The following KIF1B variants were observed in gnomAD, a reference collection of about 807,000 sequenced individuals.
KIF1B encodes kinesin-like protein KIF1B.
A neutral mutation model predicts 241.9 loss-of-function variants in KIF1B; 76 were observed. The ratio of observed to expected loss-of-function variants is 0.31; its 90% CI spans 0.26 to 0.38. The LOEUF (loss-of-function observed/expected upper bound fraction) is 0.38. KIF1B is among the 10% of genes least tolerant of loss of function. The pLI is 1.00. For synonymous variants in KIF1B, 750 were observed against 796.7 expected (o/e 0.94, Z 0.99); for missense variants, 1,622 against 2,271.4 (o/e 0.71, Z 5.81).
chr1:10,283,233 A>T (rs1250394491), intron 15 of KIF1B, among the ~76,000 whole-genome samples: 2 of 136,882 alleles, frequency 1.5e-5, no homozygotes, highest in Non-Finnish European at 3.1e-5. Context: ...AAAAAAAAAG[A>T]TAAAGTTAGA....
chr1:10,276,256 A>G (rs1649101148), intron 11 of KIF1B, 65 bp from the exon 12 acceptor site: 1 of 1,005,804 alleles, frequency 9.9e-7, no homozygotes, highest in Non-Finnish European at 1.6e-6. Flanking sequence ...ATCAGATTTG[A>G]CACATTCCAT....
At chr1:10,313,051 T>C (rs1651135425) in intron 22 of KIF1B, among the ~76,000 whole-genome samples, 1 of 151,394 alleles carries the variant, frequency 6.6e-6, no homozygotes, top group South Asian at 2.1e-4. Context: ...CCATCTTTAT[T>C]TTTTTGTTTT....
At chr1:10,256,720 T>G (rs1198071496) in intron 3 of KIF1B, among the ~76,000 whole-genome samples, 1 of 150,446 alleles carries the variant, frequency 6.6e-6, no homozygotes, top group African/African-American at 2.4e-5. Flanking sequence ...ATTATTATTA[T>G]TTTTCTTCTG....
At position 10,303,982 on chromosome 1, in the gene KIF1B, C is replaced by G. The variant is rs1650681477; in HGVS notation, c.2115+6736C>G. On this transcript the variant is annotated intron_variant, in intron 22 of 48. Coordinates refer to ENST00000676179, the MANE Select transcript of KIF1B (RefSeq NM_001365951.3). This position sits in a 1 kb window ranked among gnomAD's most constrained non-coding sequence, Gnocchi z 5.2. The stretch of plus-strand genomic sequence containing the variant: ...AGAGCAAATTCGGTTTAAGAACTTG[C>G]AACAGCAGGAGATAACAAAGCAGCT... 9 of 1,613,058 alleles carry G rather than the reference C, an allele frequency of 5.6e-6. No individual in the cohort carries two copies. Among genetic ancestry groups the G allele is most frequent in the African/African-American group, 1.3e-5 (1 of 74,830 alleles).
chr1:10,231,378 C>CTTTTTTTTTTTTTTTT (rs35213507), intron 1 of KIF1B, among the ~76,000 whole-genome samples: 8 of 85,736 alleles, frequency 9.3e-5, no homozygotes, highest in Non-Finnish European at 1.5e-4. Flanking sequence ...GTTCAGTGCC[C>CTTTTTTTTTTTTTTTT]TTTTTTTTTT....
intron 4 of KIF1B, among the ~76,000 whole-genome samples, chr1:10,261,270 A>T (rs527956712): frequency 1.5e-5 from 2 of 137,012 alleles, no homozygotes; most frequent in African/African-American, 5.3e-5. Flanking sequence ...ACCTGGCCAA[A>T]TTTTTTTTTT....
rs969289278 is a variant in KIF1B, at chr1:10,337,102, G to C, written c.3158G>C (p.Arg1053Pro). The change falls in exon 30 of 49, where the codon CGT (arginine) becomes CCT (proline). Residue 1053 changes from arginine (R) to proline (P), a missense_variant. Physicochemically the swap from Arg to Pro is moderately radical, Grantham distance 103. Transcript: ENST00000676179. The surrounding 1 kb of genome is among the most constrained non-coding windows in gnomAD (Gnocchi z 4.0). The part of the protein sequence containing the change: ...QSDFSSVAMT[R>P]SGLSLEELRI... ...GACTTTTCGTCTGTTGCAATGACTC[G>C]TTCTGGTCTGTCCTTGGAGGAGTTG... 6.2e-7 allele frequency: 1 copy of C among 1,614,066 alleles called. No homozygotes were observed. The highest frequency in any genetic ancestry group is 1.1e-5 in the South Asian group (1 of 91,064).
chr1:10,305,639 C>T (rs1179305191), intron 22 of KIF1B: 5 of 1,056,462 alleles, frequency 4.7e-6, no homozygotes, highest in South Asian at 4.6e-5. Flanking sequence ...GGAGATGATA[C>T]ATAATAAACT....
chr1:10,259,153 CTTTT>C (rs572251659), intron 4 of KIF1B, among the ~76,000 whole-genome samples: 1 of 131,872 alleles, frequency 7.6e-6, no homozygotes, highest in African/African-American at 2.8e-5. Context: ...GATTCTCCCT[CTTTT>C]TTTTTTTTTT....
At chr1:10,290,575 G>A (rs1202264281) in intron 15 of KIF1B, among the ~76,000 whole-genome samples, 2 of 150,992 alleles carry the variant, frequency 1.3e-5, no homozygotes, top group Non-Finnish European at 3.0e-5. Flanking sequence ...TCTGCCTCCC[G>A]GGTTCATGCC....
intron 1 of KIF1B, among the ~76,000 whole-genome samples, chr1:10,218,460 A>C (rs1241956249): frequency 1.3e-5 from 2 of 151,650 alleles, no homozygotes; most frequent in Non-Finnish European, 2.9e-5. Context: ...TCGCTCTGTC[A>C]TCCAGGCTAG....
intron 2 of KIF1B, among the ~76,000 whole-genome samples, chr1:10,245,592 T>TG (rs1390057464): frequency 1.3e-5 from 2 of 152,150 alleles, no homozygotes; most frequent in African/African-American, 4.8e-5. Context: ...CCTTTGGACT[T>TG]GGAAAAAAAT....
chr1:10,307,471 G>A (rs780709685), intron 22 of KIF1B: 4 of 372,360 alleles, frequency 1.1e-5, no homozygotes, highest in Non-Finnish European at 1.5e-5. Flanking sequence ...CACCATGCCT[G>A]GCTAACTTTT....
intron 14 of KIF1B, among the ~76,000 whole-genome samples, chr1:10,280,734 G>A (rs1159541309): frequency 1.3e-5 from 2 of 152,154 alleles, no homozygotes; most frequent in Admixed American, 1.3e-4. Flanking sequence ...TACTGGTGTG[G>A]AAAAGGTGCC....
Position 10,296,973 on chromosome 1 carries a change from G to C in KIF1B, c.1938G>C (p.Lys646Asn). ...AACAAGCACGAGCTGAGCGAGAGAA[G>C]ACTCCTTCTGCTGAGACCCCCTCTG... The part of the protein sequence containing the change: ...HPEQARAERE[K>N]TPSAETPSEP... The change falls in exon 21 of 49, where the codon AAG becomes AAC. Residue 646 changes from lysine to asparagine, a missense_variant. Physicochemically the swap from Lys to Asn is moderately conservative, Grantham distance 94 (BLOSUM62 0). Transcript: ENST00000676179. 1 of 1,614,032 alleles carries C rather than the reference G, an allele frequency of 6.2e-7. No individual in the cohort carries two copies. The highest frequency in any genetic ancestry group is 8.5e-7 in the Non-Finnish European group (1 of 1,179,962).
chr1:10,329,477 G>A (rs544145588), intron 27 of KIF1B, among the ~76,000 whole-genome samples: 10 of 152,108 alleles, frequency 6.6e-5, no homozygotes, highest in Admixed American at 1.3e-4. Flanking sequence ...GCTCACTCCC[G>A]TAATCCCAGC....
chr1:10,240,949 T>G (rs1225708921), intron 2 of KIF1B, among the ~76,000 whole-genome samples: 1 of 152,186 alleles, frequency 6.6e-6, no homozygotes, highest in Non-Finnish European at 1.5e-5. Flanking sequence ...TCATTTATAT[T>G]CATCCTCTGT....
intron 45 of KIF1B, among the ~76,000 whole-genome samples, chr1:10,371,945 TAAAA>T (rs1010944790): frequency 2.0e-5 from 3 of 151,388 alleles, no homozygotes; most frequent in African/African-American, 4.9e-5. Flanking sequence ...CTAAAAAAAA[TAAAA>T]AAAAGACAAA....
chr1:10,282,289 C>A (rs1220419262), intron 14 of KIF1B, 33 bp from the exon 15 acceptor site: 5 of 1,554,458 alleles, frequency 3.2e-6, no homozygotes, highest in Non-Finnish European at 2.7e-6. Flanking sequence ...CTTTTCCCTA[C>A]TTTTCCTGCC....
Sources: gnomAD v4.1 joint callset for allele counts (sites outside exome capture counted in the v4.1 genomes callset) on GRCh38, gnomAD v4.1.1 for gene constraint, Gnocchi (gnomAD v3.1) non-coding constraint, MANE v1.5 for transcripts, NCBI Gene and HGNC (gene_info 2026-07-23, HGNC 2026-07-21) for gene names.